The following NTRK3 variants were observed in gnomAD, a reference collection of about 807,000 sequenced individuals.
NTRK3 encodes neurotrophic receptor tyrosine kinase 3.
A neutral mutation model predicts 91.7 loss-of-function variants in NTRK3; 24 were observed. The observed-to-expected ratio is 0.26, with a 90% confidence interval of 0.19 to 0.37. The LOEUF (loss-of-function observed/expected upper bound fraction) is 0.37, where lower values mean the gene tolerates loss of function less well. Among genes scored for constraint, NTRK3 ranks in the 10% least tolerant of loss-of-function variants. NTRK3 has a pLI of 1.00. For missense variants in NTRK3, 880 were observed against 1,068.9 expected, an observed-to-expected ratio of 0.82 and a Z score of 2.46; for synonymous variants, 483 against 404.0, an observed-to-expected ratio of 1.20 and a Z score of -2.34.
intron 14 of NTRK3, among the ~76,000 whole-genome samples, chr15:88,019,779 A>G (rs1013690993): frequency 6.6e-6 from 1 of 152,232 alleles, no homozygotes; most frequent in East Asian, 1.9e-4. Flanking sequence ...GTAGAGCTAG[A>G]GTCCTAATAC....
At chr15:88,105,176 C>T (rs919126268) in intron 13 of NTRK3, among the ~76,000 whole-genome samples, 8 of 152,190 alleles carry the variant, frequency 5.3e-5, no homozygotes, top group Non-Finnish European at 7.3e-5. Flanking sequence ...AGGCCATGGA[C>T]CTGATTGTCA....
In NTRK3 at chr15:87,898,093, C is replaced by T. The variant is rs1414458122; in HGVS notation, c.2134-17665G>A. On this transcript the variant is annotated intron_variant, in intron 17 of 18. Transcript: ENST00000394480. ...CATACATAATACTTTGAATCTAAAT[C>T]TTCCTTGAAAGATGCTAATTTCTCA... Among the ~76,000 whole-genome samples the T allele has an allele frequency of 3.9e-5, 6 of 152,210 alleles. No homozygotes were observed. The East Asian group carries it at 1.2e-3, about 29-fold the overall frequency.
At chr15:88,221,481 A>G (rs2050229464) in intron 3 of NTRK3, among the ~76,000 whole-genome samples, 1 of 152,336 alleles carries the variant, frequency 6.6e-6, no homozygotes, top group Admixed American at 6.5e-5. Context: ...ATCCTGATGC[A>G]ATGCTTACTT....
chr15:87,925,996 A>T (rs1300882164), intron 17 of NTRK3, among the ~76,000 whole-genome samples: 1 of 152,230 alleles, frequency 6.6e-6, no homozygotes, highest in East Asian at 1.9e-4. Flanking sequence ...AACTTGCTTA[A>T]CATCAACACA....
chr15:88,051,089 A>G (rs1203556487), intron 13 of NTRK3, among the ~76,000 whole-genome samples: 1 of 152,184 alleles, frequency 6.6e-6, no homozygotes, highest in African/African-American at 2.4e-5. Context: ...TTATTTCACT[A>G]ACCACATCTC....
chr15:88,073,897 T>G (rs2047312527), intron 13 of NTRK3, among the ~76,000 whole-genome samples: 1 of 152,154 alleles, frequency 6.6e-6, no homozygotes, highest in Admixed American at 6.5e-5. Context: ...TTGTTTTCTG[T>G]TTTTATTTCT....
chr15:87,923,856 G>C (rs1260407513), intron 17 of NTRK3, among the ~76,000 whole-genome samples: 1 of 152,066 alleles, frequency 6.6e-6, no homozygotes, highest in Non-Finnish European at 1.5e-5. Flanking sequence ...TACTATAAAA[G>C]CAAGTTTGGC....
chr15:88,135,909 G>A (rs1465210745), exon 9 of NTRK3: 19 of 1,614,056 alleles, frequency 1.2e-5, no homozygotes, highest in Non-Finnish European at 1.6e-5. Flanking sequence ...AGTAGACAGT[G>A]AGGGCAACAC....
At chr15:88,130,665 A>C (rs958680230) in intron 10 of NTRK3, among the ~76,000 whole-genome samples, 7 of 152,210 alleles carry the variant, frequency 4.6e-5, no homozygotes, top group African/African-American at 1.7e-4. Flanking sequence ...GAAAAAAATC[A>C]GAAAATTCCA....
intron 13 of NTRK3, among the ~76,000 whole-genome samples, chr15:88,123,135 A>C (rs2052911336): frequency 6.6e-6 from 1 of 152,206 alleles, no homozygotes; most frequent in South Asian, 2.1e-4. Context: ...AGGTTTATAC[A>C]TAAAGAAAAG....
At chr15:88,150,265 C>T (rs564858985) in intron 5 of NTRK3, among the ~76,000 whole-genome samples, 104 of 152,334 alleles carry the variant, frequency 6.8e-4, no homozygotes, top group Middle Eastern at 3.4e-3. Context: ...TGCCAGGAGT[C>T]CTGGGGAACC....
chr15:88,078,349 G>T (rs140609048), intron 13 of NTRK3, among the ~76,000 whole-genome samples: 1 of 152,206 alleles, frequency 6.6e-6, no homozygotes, highest in Non-Finnish European at 1.5e-5. Context: ...TAATAGTAAA[G>T]TGGGGTTAAA....
At chr15:87,956,915 A>G (rs2071727899) in intron 14 of NTRK3, among the ~76,000 whole-genome samples, 1 of 152,198 alleles carries the variant, frequency 6.6e-6, no homozygotes, top group Non-Finnish European at 1.5e-5. Context: ...AACACTGTCC[A>G]GAAAAGCCCA....
intron 11 of NTRK3, among the ~76,000 whole-genome samples, chr15:88,127,797 TA>T (rs1423404447): frequency 3.9e-5 from 6 of 151,994 alleles, no homozygotes; most frequent in African/African-American, 1.4e-4. Context: ...CAGCTTAAGT[TA>T]AAAAAATAGA....
chr15:88,178,454 T>C lies in NTRK3; in HGVS notation c.395+4964A>G, dbSNP rs115247943. Among the ~76,000 whole-genome samples, 425 of 152,298 alleles carry C rather than the reference T, an allele frequency of 2.8e-3. 4 individuals are homozygous for C. Among genetic ancestry groups the C allele is most frequent in the Middle Eastern group, 0.01 (3 of 294 alleles). On this transcript the variant is annotated intron_variant, in intron 5 of 18. Coordinates refer to ENST00000394480, the Ensembl canonical transcript of NTRK3. Reference sequence around the variant, plus strand: ...CCTCTCTTTGCAAACATAACACAGTTGATACAATCATGCTCAAATCAGGAC... The same window carrying C: ...CCTCTCTTTGCAAACATAACACAGTCGATACAATCATGCTCAAATCAGGAC...
chr15:88,145,919 T>C (rs995130454), intron 6 of NTRK3, among the ~76,000 whole-genome samples: 2 of 152,180 alleles, frequency 1.3e-5, no homozygotes, highest in Admixed American at 1.3e-4. Context: ...GGGAGATAGT[T>C]GAGCACAGTG....
At chr15:88,113,426 C>T (rs1466149064) in intron 13 of NTRK3, among the ~76,000 whole-genome samples, 1 of 149,720 alleles carries the variant, frequency 6.7e-6, no homozygotes, top group Non-Finnish European at 1.5e-5. Context: ...AGTGATTCTC[C>T]TGCCTCAGCC....
At chr15:88,158,317 T>G (rs186229490) in intron 5 of NTRK3, among the ~76,000 whole-genome samples, 33 of 152,282 alleles carry the variant, frequency 2.2e-4, no homozygotes, top group Admixed American at 1.9e-3. Flanking sequence ...CCCCTTGAAT[T>G]CAGGCATCAT....
chr15:88,027,072 T>C (rs2078100168), intron 14 of NTRK3, among the ~76,000 whole-genome samples: 1 of 152,144 alleles, frequency 6.6e-6, no homozygotes, highest in South Asian at 2.1e-4. Flanking sequence ...TTGCTTCCCT[T>C]ACCTCCAGCC....
Sources: gnomAD v4.1 joint callset for allele counts (sites outside exome capture counted in the v4.1 genomes callset) on GRCh38, gnomAD v4.1.1 for gene constraint, MANE v1.5 for transcripts, NCBI Gene and HGNC (gene_info 2026-07-23, HGNC 2026-07-21) for gene names.